QRFPR: variants seen among roughly 807,000 people sequenced by gnomAD.
QRFPR encodes the protein pyroglutamylated RFamide peptide receptor, also known as pyroglutamylated RF-amide peptide receptor.
A neutral mutation model predicts 31.3 loss-of-function variants in QRFPR; 37 were observed. The ratio of observed to expected loss-of-function variants is 1.18; its 90% CI spans 0.91 to 1.56. QRFPR has a LOEUF of 1.56. QRFPR is among the 40% of genes most tolerant of loss of function. The pLI, the probability that QRFPR is intolerant of heterozygous loss-of-function variation, is 0.00. For missense variants in QRFPR, 542 were observed against 532.5 expected (o/e 1.02, Z -0.18); for synonymous variants, 197 against 192.0 (o/e 1.03, Z -0.22).
chr4:121,335,925 T>A (rs187908065), intron 3 of QRFPR, among the ~76,000 whole-genome samples: 1 of 152,270 alleles, frequency 6.6e-6, no homozygotes, highest in Non-Finnish European at 1.5e-5. Context: ...TAGCAAGGGA[T>A]AAAATAAAAT....
Position 121,330,424 on chromosome 4 carries a change from A to G in QRFPR, c.895+2T>C. Reference sequence around the variant, plus strand: ...TATCAAATGAGAATGACAAGCACTCACTGTATTCAATCATCATATGGACAA... The same window carrying G: ...TATCAAATGAGAATGACAAGCACTCGCTGTATTCAATCATCATATGGACAA... On this transcript the variant is annotated splice_donor_variant, in intron 5 of 5. Coordinates refer to ENST00000394427, the MANE Select transcript of QRFPR (RefSeq NM_198179.3). LOFTEE classifies it high-confidence loss of function. 2 of 1,589,514 alleles carry G rather than the reference A, an allele frequency of 1.3e-6. No homozygotes were observed. Among genetic ancestry groups the G allele is most frequent in the Non-Finnish European group, 1.7e-6 (2 of 1,158,042 alleles).
chr4:121,373,335 A>T (rs963567588), intron 1 of QRFPR, among the ~76,000 whole-genome samples: 1 of 152,204 alleles, frequency 6.6e-6, no homozygotes, highest in African/African-American at 2.4e-5. Flanking sequence ...TACCAAAAAA[A>T]TTTAGTGACC....
At chr4:121,330,572 G>T in intron 4 of QRFPR, 49 bp from the exon 5 acceptor site, 3 of 1,371,548 alleles carry the variant, frequency 2.2e-6, no homozygotes, top group Non-Finnish European at 2.1e-6. Flanking sequence ...CTTGGCAAAT[G>T]TGCCAGCTTG....
At chr4:121,372,530 A>G (rs1013536456) in intron 1 of QRFPR, among the ~76,000 whole-genome samples, 2 of 152,148 alleles carry the variant, frequency 1.3e-5, no homozygotes, top group African/African-American at 4.8e-5. Context: ...TGTTTCAAAA[A>G]CTTTTTCATA....
intron 1 of QRFPR, chr4:121,370,068 C>T (rs1726204153): frequency 1.3e-6 from 1 of 772,134 alleles, no homozygotes. Context: ...CCACTGGGAG[C>T]TTGTCCACAC....
rs193075383 is a variant in QRFPR, at chr4:121,332,916, G to A, written c.702C>T (p.Tyr234=). The A allele has an allele frequency of 2.7e-5, 44 of 1,614,008 alleles. No individual in the cohort carries two copies. In the Admixed American group the frequency reaches 6.5e-4, roughly 24 times the overall value. The change falls in exon 4 of 6, where the codon TAC becomes TAT. Residue 234 remains tyrosine, a synonymous_variant. Transcript: ENST00000394427. ...TCCAAAGTTCATAACCAATTTTACT[G>A]TACAGAATAAGCATCACCATAAGAG... The part of the protein sequence containing the change: ...LLPLMVMLIL[Y]SKIGYELWIK...
At chr4:121,341,653 T>A (rs2110470794) in intron 1 of QRFPR, among the ~76,000 whole-genome samples, 1 of 152,320 alleles carries the variant, frequency 6.6e-6, no homozygotes, top group South Asian at 2.1e-4. Flanking sequence ...TATAACTACC[T>A]TAAGGCTACG....
rs1185819852 is a variant in QRFPR, at chr4:121,340,445, G to T, written c.499+7C>A. On this transcript the variant is annotated splice_region_variant and intron_variant, in intron 2 of 5. Transcript: ENST00000394427. The stretch of plus-strand genomic sequence containing the variant: ...CACACTGCCATTGGCACATCCAGTG[G>T]CCTCACCTAGCATTGTGAAAGCCCT... 1 of 1,613,766 alleles carries T rather than the reference G, an allele frequency of 6.2e-7. No individual in the cohort carries two copies. Among genetic ancestry groups the T allele is most frequent in the Non-Finnish European group, 8.5e-7 (1 of 1,179,758 alleles).
intron 2 of QRFPR, among the ~76,000 whole-genome samples, chr4:121,339,691 T>C (rs1725500959): frequency 1.3e-5 from 2 of 151,956 alleles, no homozygotes; most frequent in South Asian, 2.1e-4. Context: ...AATCCTAGCA[T>C]GTTGGGAGGC....
At position 121,328,670 on chromosome 4, in the gene QRFPR, A is replaced by G. The variant is rs1725260525; in HGVS notation, c.*644T>C. ...ACATTACAGTGACTGCGTGGGAGAA[A>G]AACTGCTAGCTAAGAACCCTGATTT... is the stretch of plus-strand genomic sequence containing the variant. On this transcript the variant is annotated 3_prime_UTR_variant, in exon 6 of 6. Coordinates refer to ENST00000394427, the MANE Select transcript of QRFPR (RefSeq NM_198179.3). Among the ~76,000 whole-genome samples the G allele has an allele frequency of 6.6e-6, 1 of 152,240 alleles. No homozygotes were observed. The highest frequency in any genetic ancestry group is 2.4e-5 in the African/African-American group (1 of 41,470).
chr4:121,380,261 C>T (rs1264200722), intron 1 of QRFPR, 47 bp downstream of exon 1: 3 of 1,150,542 alleles, frequency 2.6e-6, no homozygotes, highest in Non-Finnish European at 2.3e-6. Flanking sequence ...CCCTGAAAGG[C>T]AGAGGGTTAA....
intron 1 of QRFPR, 27 bp downstream of exon 1, chr4:121,380,281 A>G (rs1202519234): frequency 3.9e-6 from 6 of 1,545,722 alleles, no homozygotes; most frequent in African/African-American, 1.4e-5. Context: ...AGAGAGAAGG[A>G]GCGAAGGAGC....
chr4:121,347,499 T>C (rs1725677371), intron 1 of QRFPR, among the ~76,000 whole-genome samples: 1 of 152,170 alleles, frequency 6.6e-6, no homozygotes, highest in Non-Finnish European at 1.5e-5. Flanking sequence ...TATAACACTG[T>C]CTTCAATAAT....
At chr4:121,350,270 A>G (rs930765254) in intron 1 of QRFPR, among the ~76,000 whole-genome samples, 1 of 152,222 alleles carries the variant, frequency 6.6e-6, no homozygotes, top group African/African-American at 2.4e-5. Context: ...TTTTTGGCAC[A>G]GTGTTAGAAG....
intron 1 of QRFPR, among the ~76,000 whole-genome samples, chr4:121,349,972 T>C (rs1725732919): frequency 6.6e-6 from 1 of 152,136 alleles, no homozygotes; most frequent in South Asian, 2.1e-4. Flanking sequence ...CCTGGGATGA[T>C]CCGTTACTCC....
intron 1 of QRFPR, among the ~76,000 whole-genome samples, chr4:121,367,221 A>T (rs1281698294): frequency 6.7e-6 from 1 of 149,880 alleles, no homozygotes; most frequent in African/African-American, 2.5e-5. Flanking sequence ...GCTTCCTAGG[A>T]ACATTGGTGT....
chr4:121,342,865 T>G (rs1336854124), intron 1 of QRFPR, among the ~76,000 whole-genome samples: 1 of 152,174 alleles, frequency 6.6e-6, no homozygotes, highest in Non-Finnish European at 1.5e-5. Flanking sequence ...AAAAGTGCTT[T>G]TAAATTCCAC....
In QRFPR at chr4:121,380,682, G is replaced by A; in HGVS notation, c.-35C>T. ...CTCCCGGGACGCGGGGCCACCGCCC[G>A]CTACTGGCTGGCCATCCGCATCTGC... On this transcript the variant is annotated 5_prime_UTR_variant, in exon 1 of 6. Coordinates refer to ENST00000394427, the MANE Select transcript of QRFPR (RefSeq NM_198179.3). 6.8e-7 allele frequency: 1 copy of A among 1,465,756 alleles called. No homozygotes were observed. 90.8% of individuals were successfully genotyped at this position (1,465,756 alleles called of 1,614,324 possible). A position where few individuals can be genotyped will look rare whatever the true frequency, so the allele number is the denominator to read the frequency against.
At chr4:121,360,271 C>T (rs1725964142) in intron 1 of QRFPR, among the ~76,000 whole-genome samples, 1 of 152,164 alleles carries the variant, frequency 6.6e-6, no homozygotes, top group Non-Finnish European at 1.5e-5. Context: ...ATAGGCTCAC[C>T]TACATACAGA....
Sources: gnomAD v4.1 joint callset for allele counts (sites outside exome capture counted in the v4.1 genomes callset) on GRCh38, gnomAD v4.1.1 for gene constraint, MANE v1.5 for transcripts, NCBI Gene and HGNC (gene_info 2026-07-23, HGNC 2026-07-21) for gene names.